MET: variants seen among roughly 807,000 people sequenced by gnomAD.
The protein encoded by MET is hepatocyte growth factor receptor.
MET carries 48 observed loss-of-function variants against 133.1 expected under a neutral mutation model. That is an observed-to-expected ratio of 0.36 (90% CI 0.29 to 0.46). MET has a LOEUF of 0.46. Ranked by LOEUF, MET falls within the 20% of genes least tolerant of loss-of-function variation. The pLI, the probability that MET is intolerant of heterozygous loss-of-function variation, is 1.00. For synonymous variants in MET, 628 were observed against 616.5 expected (o/e 1.02, Z -0.28); for missense variants, 1,442 against 1,695.9 (o/e 0.85, Z 2.63).
At position 116,796,163 on chromosome 7, in the gene MET, C is replaced by T. The variant is rs996580734; in HGVS notation, c.*39C>T. On this transcript the variant is annotated 3_prime_UTR_variant, in exon 21 of 21. Transcript: ENST00000397752. ...TCAAAGCAACAGTCCACACTTTGTCCAATGGTTTTTTCACTGCCTGACCTT... is the reference window on the plus strand; with the variant it reads ...TCAAAGCAACAGTCCACACTTTGTCTAATGGTTTTTTCACTGCCTGACCTT... The T allele has an allele frequency of 1.3e-6, 2 of 1,588,316 alleles. No individual in the cohort carries two copies. The highest frequency in any genetic ancestry group is 1.7e-6 in the Non-Finnish European group (2 of 1,158,342).
chr7:116,696,578 G>T (rs1162452895), intron 1 of MET, among the ~76,000 whole-genome samples: 1 of 152,172 alleles, frequency 6.6e-6, no homozygotes, highest in Admixed American at 6.5e-5. Context: ...TGCAATATTT[G>T]CTCTCTTGAT....
At chr7:116,674,924 A>G (rs546514657) in intron 1 of MET, among the ~76,000 whole-genome samples, 10 of 152,282 alleles carry the variant, frequency 6.6e-5, no homozygotes, top group Admixed American at 4.6e-4. Context: ...TATTCATAGG[A>G]TACTCAATTT....
Position 116,706,810 on chromosome 7 carries a change from G to T in MET, c.1200+6526G>T, listed in dbSNP as rs370271056. Among the ~76,000 whole-genome samples the T allele has an allele frequency of 5.1e-4, 77 of 151,906 alleles. 3 individuals carry two copies. The East Asian group carries it at 7.1e-3, about 14-fold the overall frequency. On this transcript the variant is annotated intron_variant, in intron 2 of 20. Coordinates refer to ENST00000397752, the MANE Select transcript of MET (RefSeq NM_000245.4). ...AGTCACATCTCCAGCGTCCAGGGAG[G>T]ACTGTAAAGTGCTCGTTATCAGGAA...
chr7:116,721,944 A>G (rs1206554517), intron 2 of MET, among the ~76,000 whole-genome samples: 2 of 151,558 alleles, frequency 1.3e-5, no homozygotes, highest in Non-Finnish European at 3.0e-5. Context: ...TGTGGTGCTG[A>G]AAAAAATGTA....
chr7:116,673,598 A>G (rs1035077217), intron 1 of MET, among the ~76,000 whole-genome samples: 1 of 152,232 alleles, frequency 6.6e-6, no homozygotes, highest in African/African-American at 2.4e-5. Flanking sequence ...TCAGCCAGAC[A>G]CATGCACATT....
chr7:116,681,253 C>A (rs1031119318), intron 1 of MET, among the ~76,000 whole-genome samples: 2 of 152,094 alleles, frequency 1.3e-5, no homozygotes, highest in African/African-American at 4.8e-5. Context: ...CTGTTATCTA[C>A]TCCCAGGCAC....
At chr7:116,708,626 A>G (rs1228641008) in intron 2 of MET, among the ~76,000 whole-genome samples, 1 of 152,220 alleles carries the variant, frequency 6.6e-6, no homozygotes, top group Non-Finnish European at 1.5e-5. Context: ...AGAAAATAAT[A>G]TGTAGATTAC....
chr7:116,729,538 G>A (rs1792915015), intron 2 of MET, among the ~76,000 whole-genome samples: 1 of 152,112 alleles, frequency 6.6e-6, no homozygotes, highest in African/African-American at 2.4e-5. Flanking sequence ...TGATCATTTT[G>A]TGATTATTAT....
chr7:116,740,142 C>A (rs977416323), intron 4 of MET, 58 bp downstream of exon 4: 1 of 1,595,904 alleles, frequency 6.3e-7, no homozygotes, highest in Non-Finnish European at 8.6e-7. Flanking sequence ...TGCATATTTA[C>A]AACCAGTGTC....
chr7:116,696,015 G>T (rs1796953416), intron 1 of MET, among the ~76,000 whole-genome samples: 1 of 152,060 alleles, frequency 6.6e-6, no homozygotes, highest in South Asian at 2.1e-4. Flanking sequence ...TAGGATTACA[G>T]GCACCTGTCA....
chr7:116,761,816 A>T (rs1267104861), intron 10 of MET, among the ~76,000 whole-genome samples: 1 of 152,270 alleles, frequency 6.6e-6, no homozygotes, highest in South Asian at 2.1e-4. Flanking sequence ...TGCTGCCTAT[A>T]TACATTTTTA....
In MET at chr7:116,680,105, T is replaced by C. The variant is rs541464724; in HGVS notation, c.-15+7528T>C. On this transcript the variant is annotated intron_variant, in intron 1 of 20. Coordinates refer to ENST00000397752, the MANE Select transcript of MET (RefSeq NM_000245.4). ...AGGGGGCGGGGGGGTAAAAGGAAAA[T>C]TGTGTTAATAGGGTCTTAAAATAGA... Among the ~76,000 whole-genome samples the C allele has an allele frequency of 5.5e-4, 84 of 151,930 alleles. 2 individuals carry two copies. The highest frequency in any genetic ancestry group is 3.4e-3 in the Middle Eastern group (1 of 294).
At chr7:116,791,433 T>C (rs1174225221) in intron 19 of MET, among the ~76,000 whole-genome samples, 2 of 152,330 alleles carry the variant, frequency 1.3e-5, no homozygotes, top group Non-Finnish European at 2.9e-5. Context: ...TTTTAATCTT[T>C]ATTTCCCAAT....
At chr7:116,727,952 T>A (rs1792856294) in intron 2 of MET, among the ~76,000 whole-genome samples, 5 of 152,238 alleles carry the variant, frequency 3.3e-5, no homozygotes. Context: ...GAAGTCCTAC[T>A]GTTAGGGCTC....
At chr7:116,788,881 A>C (rs2117084704) in intron 19 of MET, among the ~76,000 whole-genome samples, 1 of 152,284 alleles carries the variant, frequency 6.6e-6, no homozygotes, top group Non-Finnish European at 1.5e-5. Flanking sequence ...AATACTCTTT[A>C]AGTCCATTCA....
At chr7:116,695,306 A>T (rs1172791645) in intron 1 of MET, among the ~76,000 whole-genome samples, 1 of 152,138 alleles carries the variant, frequency 6.6e-6, no homozygotes, top group Non-Finnish European at 1.5e-5. Context: ...ATTGTCCCTA[A>T]TCCTTTTCTT....
intron 2 of MET, among the ~76,000 whole-genome samples, chr7:116,716,287 GAGAGAGAGA>G (rs1562892886): frequency 1.9e-4 from 4 of 20,772 alleles, no homozygotes; most frequent in African/African-American, 8.0e-4. Flanking sequence ...GAGAGAGGGA[GAGAGAGAGA>G]GAGAGAGAGA....
chr7:116,732,027 A>G (rs1302088477), intron 3 of MET, among the ~76,000 whole-genome samples, 168 bp downstream of exon 3: 1 of 152,196 alleles, frequency 6.6e-6, no homozygotes, highest in Non-Finnish European at 1.5e-5. Flanking sequence ...CTTTCTGTTA[A>G]ATGTGTGGTC....
Position 116,699,259 on chromosome 7 carries a change from G to A in MET, c.175G>A (p.Glu59Lys), listed in dbSNP as rs2116582173. The A allele has an allele frequency of 6.2e-7, 1 of 1,613,976 alleles. No homozygotes were observed. The highest frequency in any genetic ancestry group is 8.5e-7 in the Non-Finnish European group (1 of 1,179,920). ...ACCCATCCAGAATGTCATTCTACAT[G>A]AGCATCACATTTTCCTTGGTGCCAC... The part of the protein sequence containing the change: ...ETPIQNVILH[E>K]HHIFLGATNY... Residue 59 changes from glutamate to lysine, a missense_variant, in exon 2 of 21, where the codon GAG (glutamate) becomes AAG (lysine). Physicochemically the swap from Glu to Lys is moderately conservative, Grantham distance 56. Around this residue, in one of 6 missense-constraint regions of MET, gnomAD observed 762 missense variants for 792.4 expected, o/e 0.96. Transcript: ENST00000397752.
Sources: allele counts gnomAD v4.1 joint callset (sites outside exome capture counted in the v4.1 genomes callset), GRCh38; gene constraint gnomAD v4.1.1; regional missense constraint gnomAD v4.1.1; transcripts MANE v1.5; gene names NCBI Gene and HGNC (gene_info 2026-07-23, HGNC 2026-07-21).